The following MYORG variants were observed in gnomAD, a reference collection of about 807,000 sequenced individuals.
The protein encoded by MYORG is alpha-galactosidase MYORG.
In MYORG, 45 loss-of-function variants were observed where a neutral mutation model predicts 49.8. The observed-to-expected ratio is 0.90, with a 90% CI of 0.71 to 1.16. The LOEUF is 1.16. MYORG is among the 50% of genes most tolerant of loss of function. MYORG has a pLI of 0.00. For missense variants in MYORG, 1,110 were observed against 1,026.5 expected (o/e 1.08, Z -1.11); for synonymous variants, 552 against 462.9 (o/e 1.19, Z -2.47).
chr9:34,373,307 T>G (rs1365356757), intron 1 of MYORG, among the ~76,000 whole-genome samples: 1 of 152,074 alleles, frequency 6.6e-6, no homozygotes, highest in Non-Finnish European at 1.5e-5. Context: ...TCAGGAAGCT[T>G]TCCAGGATCA....
rs749542221 is a variant in MYORG at position 34,371,875 on chromosome 9, T to A, written c.1069A>T (p.Thr357Ser). The A allele has an allele frequency of 1.9e-5, 30 of 1,613,952 alleles. No homozygotes were observed. The highest frequency in any genetic ancestry group is 1.0e-4 in the Admixed American group (6 of 60,012). ...AAGTCGAAGTCGCCATAAGCAGGTGTGTACATGTCGTCGATTTCCAGGTGG... is the reference window on the plus strand; with the variant it reads ...AAGTCGAAGTCGCCATAAGCAGGTGAGTACATGTCGTCGATTTCCAGGTGG... ...SSHLEIDDMY[T>S]PAYGDFDFDE... is the part of the protein sequence containing the mutation. The change falls in exon 2 of 2, where the codon ACA (threonine) becomes TCA (serine). Residue 357 changes from threonine (T) to serine (S), a missense_variant. Coordinates refer to ENST00000297625, the MANE Select transcript of MYORG (RefSeq NM_020702.5).
Position 34,368,550 on chromosome 9 carries a change from C to G in MYORG, c.*2249G>C, listed in dbSNP as rs529030018. The stretch of plus-strand genomic sequence containing the variant: ...CCCTCGAGTTCAAAGTTCCACAAAT[C>G]TCTAGGGCAGGGGCAAAATGCAGCC... On this transcript the variant is annotated 3_prime_UTR_variant, in exon 2 of 2. Transcript: ENST00000297625. 1 of 152,384 alleles carries G rather than the reference C, an allele frequency of 6.6e-6. No homozygotes were observed. Among genetic ancestry groups the G allele is most frequent in the East Asian group, 1.9e-4 (1 of 5,186 alleles). The allele number at this position is 152,384 out of a possible 1,614,324, so 9.4% of individuals were successfully genotyped here.
rs776364497 is a variant in MYORG at position 34,372,791 on chromosome 9, G to A, written c.153C>T (p.Ser51=). 1 of 1,614,024 alleles carries A rather than the reference G, an allele frequency of 6.2e-7. No individual in the cohort carries two copies. Among genetic ancestry groups the A allele is most frequent in the South Asian group, 1.1e-5 (1 of 91,086 alleles). The change falls in exon 2 of 2, where the codon TCC becomes TCT. Residue 51 remains serine (S), a synonymous_variant. Coordinates refer to ENST00000297625, the MANE Select transcript of MYORG (RefSeq NM_020702.5). Reference sequence around the variant, plus strand: ...AGCCCAGCAGCGGCTTCAGGTCTTTGGAAGGCTTGGGCTTGGCAGGTGAGA... The same window carrying A: ...AGCCCAGCAGCGGCTTCAGGTCTTTAGAAGGCTTGGGCTTGGCAGGTGAGA... ...DNFSPAKPKP[S]KDLKPLLGSA...
At position 34,371,480 on chromosome 9, in the gene MYORG, C is replaced by A; in HGVS notation, c.1464G>T (p.Arg488=). The A allele has an allele frequency of 6.2e-7, 1 of 1,612,200 alleles. No individual in the cohort carries two copies. The highest frequency in any genetic ancestry group is 8.5e-7 in the Non-Finnish European group (1 of 1,179,760). ...RPLPDPSVWS[R]RYTEMALPFF... ...AGGGCAGCGCCATCTCAGTGTAGCGCCGGCTCCAGACGCTGGGGTCCGGCA... is the reference window on the plus strand; with the variant it reads ...AGGGCAGCGCCATCTCAGTGTAGCGACGGCTCCAGACGCTGGGGTCCGGCA... Residue 488 remains arginine, a synonymous_variant, in exon 2 of 2, where the codon CGG becomes CGT. Coordinates refer to ENST00000297625, the MANE Select transcript of MYORG (RefSeq NM_020702.5).
chr9:34,376,538 G>T lies in MYORG; in HGVS notation c.-64+255C>A, dbSNP rs1398233054. 3.9e-5 allele frequency among the ~76,000 whole-genome samples: 6 copies of T among 152,226 alleles called. No individual in the cohort carries two copies. In the East Asian group the frequency reaches 1.2e-3, roughly 29 times the overall value. On this transcript the variant is annotated intron_variant, in intron 1 of 1. Transcript: ENST00000297625. The surrounding 1 kb of genome is among the most constrained non-coding windows in gnomAD (Gnocchi z 4.4). The stretch of plus-strand genomic sequence containing the variant: ...CATCTCCCTCTCCTGCCAGGCGACG[G>T]TATCCGCGGGGATCGAGTGACTGCC...
chr9:34,374,420 T>C (rs189275076), intron 1 of MYORG, among the ~76,000 whole-genome samples: 32 of 152,320 alleles, frequency 2.1e-4, no homozygotes, highest in Admixed American at 9.8e-4. Flanking sequence ...CAGCCAAGCC[T>C]ATCTTGTGAT....
In MYORG at chr9:34,366,695, C is replaced by T. The variant is rs1820508151; in HGVS notation, c.*4104G>A. On this transcript the variant is annotated 3_prime_UTR_variant, in exon 2 of 2. Transcript: ENST00000297625. ...ATTATAATAGCTACCATTTATTGAG[C>T]ACCTACTTTGTGCCAGGCACTTTAC... 1 of 152,186 alleles carries T rather than the reference C, an allele frequency of 6.6e-6. No homozygotes were observed. Among genetic ancestry groups the T allele is most frequent in the Admixed American group, 6.5e-5 (1 of 15,282 alleles). The allele number at this position is 152,186 out of a possible 1,614,324, so 9.4% of individuals were successfully genotyped here. A position where few individuals can be genotyped will look rare whatever the true frequency, so the allele number is the denominator to read the frequency against.
rs200089454 is a variant in MYORG at position 34,372,727 on chromosome 9, C to T, written c.217G>A (p.Val73Met). The T allele has an allele frequency of 3.0e-5, 49 of 1,613,358 alleles. No homozygotes were observed. In the African/African-American group the frequency reaches 6.0e-4, roughly 20 times the overall value. ...GAGACGCTGTAGTAGCACCAGGCCA[C>T]CACCGCGGCCAGCACAAGCAGCAGC... Reference protein sequence around the residue: ...LGLLLVLAAVVAWCYYSVSLR... With the variant: ...LGLLLVLAAVMAWCYYSVSLR... Residue 73 changes from valine to methionine, a missense_variant, in exon 2 of 2, where the codon GTG (valine) becomes ATG (methionine). By Grantham distance (21) the Val-to-Met change is conservative. Coordinates refer to ENST00000297625, the MANE Select transcript of MYORG (RefSeq NM_020702.5).
In MYORG at chr9:34,372,680, A is replaced by G. The variant is rs1309098950; in HGVS notation, c.264T>C (p.Leu88=). The part of the protein sequence containing the change: ...YSVSLRKAER[L]RAELLDLKAG... ...CTTTCAGGTCCAGCAGCTCCGCGCG[A>G]AGTCGCTCCGCCTTGCGTAGGGAGA... Residue 88 remains leucine (L), a synonymous_variant, in exon 2 of 2, where the codon CTT becomes CTC. Transcript: ENST00000297625. 1 of 1,609,802 alleles carries G rather than the reference A, an allele frequency of 6.2e-7. No individual in the cohort carries two copies. The highest frequency in any genetic ancestry group is 1.3e-5 in the African/African-American group (1 of 75,032).
Position 34,367,441 on chromosome 9 carries a change from C to G in MYORG, c.*3358G>C, listed in dbSNP as rs1820517682. 6.6e-6 allele frequency: 1 copy of G among 152,198 alleles called. No homozygotes were observed. Among genetic ancestry groups the G allele is most frequent in the Non-Finnish European group, 1.5e-5 (1 of 68,050 alleles). The allele number at this position is 152,198 out of a possible 1,614,324, so 9.4% of individuals were successfully genotyped here. On this transcript the variant is annotated 3_prime_UTR_variant, in exon 2 of 2. Transcript: ENST00000297625. ...AAGTCTCATCTGAAACAAGGCAAGT[C>G]CCTTCCACCTATGAGCCTGTAAAAT...
chr9:34,369,374 G>A lies in MYORG; in HGVS notation c.*1425C>T, dbSNP rs569146881. ...AAGTCAGAAAAAACTCACTCCGGCT[G>A]AGGTTGCTCTTCTTAGAAAGAGAAA... On this transcript the variant is annotated 3_prime_UTR_variant, in exon 2 of 2. Transcript: ENST00000297625. The A allele has an allele frequency of 6.6e-6, 1 of 152,300 alleles. No individual in the cohort carries two copies. The highest frequency in any genetic ancestry group is 1.9e-4 in the East Asian group (1 of 5,174). The allele number at this position is 152,300 out of a possible 1,614,324, so 9.4% of individuals were successfully genotyped here.
chr9:34,370,753 C>T lies in MYORG; in HGVS notation c.*46G>A, dbSNP rs1820575766. 2 of 1,516,258 alleles carry T rather than the reference C, an allele frequency of 1.3e-6. No homozygotes were observed. Among genetic ancestry groups the T allele is most frequent in the African/African-American group, 1.4e-5 (1 of 72,426 alleles). The allele number at this position is 1,516,258 out of a possible 1,614,324, so 93.9% of individuals were successfully genotyped here. ...GCGGGTGTGACGGAGGGTTCAAGGTCTGCATGAAGACTGGGGGCTTTGCGG... is the reference window on the plus strand; with the variant it reads ...GCGGGTGTGACGGAGGGTTCAAGGTTTGCATGAAGACTGGGGGCTTTGCGG... On this transcript the variant is annotated 3_prime_UTR_variant, in exon 2 of 2. Transcript: ENST00000297625.
At chr9:34,375,871 C>T (rs1235736903) in intron 1 of MYORG, among the ~76,000 whole-genome samples, 2 of 152,236 alleles carry the variant, frequency 1.3e-5, no homozygotes, top group African/African-American at 4.8e-5. Flanking sequence ...CCACAGCATC[C>T]AGTTCTATCA....
In MYORG at chr9:34,372,450, T is replaced by G. The variant is rs1490373912; in HGVS notation, c.494A>C (p.Glu165Ala). ...CTCCACGGCCCGGCCCGGCGCTGCC[T>G]CCTCCCAGCGCACGCGGTAGCACAT... Reference protein sequence around the residue: ...TVMCYRVRWEEAAPGRAVEHA... With the variant: ...TVMCYRVRWEAAAPGRAVEHA... Residue 165 changes from glutamate to alanine, a missense_variant, in exon 2 of 2, where the codon GAG becomes GCG. Physicochemically the swap from Glu to Ala is moderately radical, Grantham distance 107. Transcript: ENST00000297625. 3 of 1,585,300 alleles carry G rather than the reference T, an allele frequency of 1.9e-6. No individual in the cohort carries two copies. The highest frequency in any genetic ancestry group is 1.3e-5 in the African/African-American group (1 of 74,222).
rs1032700868 is a variant in MYORG at position 34,372,294 on chromosome 9, G to C, written c.650C>G (p.Ser217Cys). Residue 217 changes from serine (S) to cysteine (C), a missense_variant, in exon 2 of 2, where the codon TCC becomes TGC. By Grantham distance (112) the Ser-to-Cys change is moderately radical. Coordinates refer to ENST00000297625, the MANE Select transcript of MYORG (RefSeq NM_020702.5). ...GAGGATGCCCCCAAACGCGGCGTCGGAGGAGTAGACATCGCTGGTGACGAA... is the reference window on the plus strand; with the variant it reads ...GAGGATGCCCCCAAACGCGGCGTCGCAGGAGTAGACATCGCTGGTGACGAA... ...QPFVTSDVYS[S>C]DAAFGGILER... 1.2e-6 allele frequency: 2 copies of C among 1,610,324 alleles called. No individual in the cohort carries two copies. The highest frequency in any genetic ancestry group is 2.7e-5 in the African/African-American group (2 of 74,862).
chr9:34,373,318 C>G (rs1000035147), intron 1 of MYORG, among the ~76,000 whole-genome samples: 2 of 152,120 alleles, frequency 1.3e-5, no homozygotes, highest in Admixed American at 6.6e-5. Context: ...TCCAGGATCA[C>G]AGGATAAGCC....
Position 34,372,238 on chromosome 9 carries a change from C to G in MYORG, c.706G>C (p.Ala236Pro). ...GGCACTGAGTCATTGACTTTGATGG[C>G]GGCCGCGCGCGAAGATAGCCAGTAG... Reference protein sequence around the residue: ...ERYWLSSRAAAIKVNDSVPFH... With the variant: ...ERYWLSSRAAPIKVNDSVPFH... Residue 236 changes from alanine (A) to proline (P), a missense_variant, in exon 2 of 2, where the codon GCC becomes CCC. Coordinates refer to ENST00000297625, the MANE Select transcript of MYORG (RefSeq NM_020702.5). The G allele has an allele frequency of 1.2e-6, 2 of 1,610,266 alleles. No individual in the cohort carries two copies. The highest frequency in any genetic ancestry group is 1.7e-6 in the Non-Finnish European group (2 of 1,178,828).
chr9:34,375,198 G>A (rs1012408761), intron 1 of MYORG, among the ~76,000 whole-genome samples: 3 of 152,090 alleles, frequency 2.0e-5, no homozygotes, highest in Non-Finnish European at 2.9e-5. Flanking sequence ...AGGAGATGCC[G>A]GAAATACTCA....
At chr9:34,373,145 AC>A (rs1820668385) in intron 1 of MYORG, 139 bp from the exon 2 acceptor site, 1 of 640,768 alleles carries the variant, frequency 1.6e-6, no homozygotes, top group Non-Finnish European at 2.6e-6. Context: ...CAAAGGTGAG[AC>A]CCTTACCAGG....
Sources: allele counts gnomAD v4.1 joint callset (sites outside exome capture counted in the v4.1 genomes callset), GRCh38; gene constraint gnomAD v4.1.1; non-coding constraint Gnocchi (gnomAD v3.1); transcripts MANE v1.5; gene names NCBI Gene and HGNC (gene_info 2026-07-23, HGNC 2026-07-21).